PTPRC: variants seen among roughly 807,000 people sequenced by gnomAD.
The protein encoded by PTPRC is protein tyrosine phosphatase receptor type C, also known as receptor-type tyrosine-protein phosphatase C.
A neutral mutation model predicts 155.9 loss-of-function variants in PTPRC; 44 were observed. The ratio of observed to expected loss-of-function variants is 0.28; its 90% confidence interval spans 0.22 to 0.36. The LOEUF is 0.36. PTPRC is among the 10% of genes least tolerant of loss of function. The pLI is 1.00. For synonymous variants in PTPRC, 525 were observed against 533.1 expected, an observed-to-expected ratio of 0.98 and a Z score of 0.21; for missense variants, 1,401 against 1,564.6, an observed-to-expected ratio of 0.90 and a Z score of 1.76.
chr1:198,741,841 C>G (rs1405657539), intron 23 of PTPRC, 28 bp from the exon 24 acceptor site: 1 of 1,604,412 alleles, frequency 6.2e-7, no homozygotes, highest in Non-Finnish European at 8.5e-7. Flanking sequence ...AAAAAATCAT[C>G]TCAAAGAAAA....
intron 17 of PTPRC, among the ~76,000 whole-genome samples, chr1:198,730,739 A>G (rs1264244853): frequency 2.6e-5 from 4 of 152,168 alleles, no homozygotes; most frequent in African/African-American, 9.7e-5. Context: ...TCAGTTCAGA[A>G]TGAATGAATA....
intron 15 of PTPRC, among the ~76,000 whole-genome samples, chr1:198,727,041 A>C (rs1654170893): frequency 6.6e-6 from 1 of 151,812 alleles, no homozygotes; most frequent in Admixed American, 6.6e-5. Flanking sequence ...TTGTATATTT[A>C]GTAGAGATGA....
Position 198,708,502 on chromosome 1 carries a change from A to G in PTPRC, c.1033+241A>G, listed in dbSNP as rs1653117915. 5.3e-5 allele frequency among the ~76,000 whole-genome samples: 8 copies of G among 152,352 alleles called. No homozygotes were observed. The South Asian group carries it at 1.7e-3, about 32-fold the overall frequency. ...AATGAATACTTTTCATGAAAAATAA[A>G]TATCTAAAAATTGAAAGTCAATTAA... On this transcript the variant is annotated intron_variant, in intron 10 of 32. Transcript: ENST00000442510.
intron 2 of PTPRC, among the ~76,000 whole-genome samples, chr1:198,660,448 T>C (rs139195823): frequency 6.6e-6 from 1 of 150,988 alleles, no homozygotes; most frequent in Non-Finnish European, 1.5e-5. Context: ...AAAGAGGAAA[T>C]ATGTAATTTA....
At position 198,691,367 on chromosome 1, in the gene PTPRC, A is replaced by G. The variant is rs138915236; in HGVS notation, c.74-980A>G. ...AACTCACTAGCATGTTAAACTATCA[A>G]TCTAGATATTTTCCTTATTACTCTT... On this transcript the variant is annotated intron_variant, in intron 2 of 32. Transcript: ENST00000442510. Among the ~76,000 whole-genome samples, 5 of 152,136 alleles carry G rather than the reference A, an allele frequency of 3.3e-5. No homozygotes were observed. In the East Asian group the frequency reaches 5.8e-4, roughly 18 times the overall value.
rs1470098897 is a variant in PTPRC at position 198,665,116 on chromosome 1, G to A, written c.73+25775G>A. The stretch of plus-strand genomic sequence containing the variant: ...TTTTTTTTTTTTTTTTTGAGACGGA[G>A]TCTCGCTCTGTCGCCCAGGCTGGAG... On this transcript the variant is annotated intron_variant, in intron 2 of 32. Coordinates refer to ENST00000442510, the MANE Select transcript of PTPRC (RefSeq NM_002838.5). 5.9e-5 allele frequency among the ~76,000 whole-genome samples: 7 copies of A among 118,548 alleles called. No individual in the cohort carries two copies. In the Admixed American group the frequency reaches 7.7e-4, roughly 13 times the overall value. 77.8% of individuals were successfully genotyped at this position (118,548 alleles called of 152,430 possible). A position where few individuals can be genotyped will look rare whatever the true frequency, so the allele number is the denominator to read the frequency against.
Position 198,756,480 on chromosome 1 carries a change from GAA to G in PTPRC, c.*301_*302del, listed in dbSNP as rs1203662622. 5.1e-5 allele frequency: 13 copies of G among 255,918 alleles called. No homozygotes were observed. Among genetic ancestry groups the G allele is most frequent in the Admixed American group, 1.0e-4 (2 of 20,018 alleles). The allele number at this position is 255,918 out of a possible 1,614,324, so 15.9% of individuals were successfully genotyped here. A position where few individuals can be genotyped will look rare whatever the true frequency, so the allele number is the denominator to read the frequency against. On this transcript the variant is annotated 3_prime_UTR_variant, in exon 33 of 33. Transcript: ENST00000442510. The stretch of plus-strand genomic sequence containing the variant: ...GGTGTGTGTTTGTGTGAGAGACAGA[GAA>G]AGAGAGAGAATTCTTTCAAGTGAAT...
At chr1:198,716,641 C>T in intron 12 of PTPRC, 41 bp from the exon 13 acceptor site, 1 of 1,585,056 alleles carries the variant, frequency 6.3e-7, no homozygotes. Flanking sequence ...GTAGTACTGA[C>T]TTTTAACGAC....
intron 2 of PTPRC, among the ~76,000 whole-genome samples, chr1:198,660,030 C>CATATATATATATATATAT (rs34796231): frequency 8.6e-6 from 1 of 115,924 alleles, no homozygotes; most frequent in Non-Finnish European, 1.8e-5. Flanking sequence ...TATATATGTC[C>CATATATATATATATATAT]ATATATATAT....
intron 17 of PTPRC, 52 bp from the exon 18 acceptor site, chr1:198,731,565 G>A: frequency 7.5e-7 from 1 of 1,330,002 alleles, no homozygotes; most frequent in Non-Finnish European, 1.1e-6. Flanking sequence ...AAATGTGTAT[G>A]CCCACCTGAA....
chr1:198,694,219 T>C (rs1347340790), intron 3 of PTPRC: 4 of 1,388,800 alleles, frequency 2.9e-6, no homozygotes, highest in Non-Finnish European at 2.8e-6. Context: ...GAGAGAAAGA[T>C]GAAGACCAGA....
intron 2 of PTPRC, among the ~76,000 whole-genome samples, chr1:198,648,692 T>C (rs557840198): frequency 6.6e-6 from 1 of 151,958 alleles, no homozygotes; most frequent in Admixed American, 6.6e-5. Context: ...CATAAGATTG[T>C]ATGACTTTTA....
intron 2 of PTPRC, among the ~76,000 whole-genome samples, chr1:198,664,514 G>C (rs1664163337): frequency 6.6e-6 from 1 of 152,042 alleles, no homozygotes; most frequent in South Asian, 2.1e-4. Context: ...AAACAGAACT[G>C]TTTTTTTAAA....
At chr1:198,650,553 G>A (rs1381310556) in intron 2 of PTPRC, among the ~76,000 whole-genome samples, 1 of 151,724 alleles carries the variant, frequency 6.6e-6, no homozygotes, top group African/African-American at 2.4e-5. Context: ...CAAATTAGGG[G>A]GTCAGAAATC....
At chr1:198,702,591 CT>C (rs1277562359) in intron 6 of PTPRC, 61 bp downstream of exon 6, 1 of 1,587,228 alleles carries the variant, frequency 6.3e-7, no homozygotes, top group African/African-American at 1.3e-5. Context: ...AAACTCAAAA[CT>C]TTAATGTAGC....
intron 2 of PTPRC, among the ~76,000 whole-genome samples, chr1:198,643,446 G>T (rs1009436625): frequency 6.6e-6 from 1 of 151,902 alleles, no homozygotes; most frequent in African/African-American, 2.4e-5. Flanking sequence ...AACCAGAGGC[G>T]AAGTGGGAGG....
rs1655695000 is a variant in PTPRC at position 198,756,757 on chromosome 1, A to T, written c.*576A>T. 1 of 151,932 alleles carries T rather than the reference A, an allele frequency of 6.6e-6. No individual in the cohort carries two copies. Among genetic ancestry groups the T allele is most frequent in the Non-Finnish European group, 1.5e-5 (1 of 67,880 alleles). 9.4% of individuals were successfully genotyped at this position (151,932 alleles called of 1,614,324 possible). A position where few individuals can be genotyped will look rare whatever the true frequency, so the allele number is the denominator to read the frequency against. On this transcript the variant is annotated 3_prime_UTR_variant, in exon 33 of 33. Coordinates refer to ENST00000442510, the MANE Select transcript of PTPRC (RefSeq NM_002838.5). ...GTGGTATGTGTGTGTATGCTACTAC[A>T]AAAAAGTTGTTAACTAAATTAACAT...
At chr1:198,652,017 T>C (rs192739618) in intron 2 of PTPRC, among the ~76,000 whole-genome samples, 10 of 151,954 alleles carry the variant, frequency 6.6e-5, no homozygotes, top group Admixed American at 3.3e-4. Context: ...AACAGAATTA[T>C]GGTTAAAACA....
At chr1:198,737,120 T>C (rs1161671793) in intron 23 of PTPRC, among the ~76,000 whole-genome samples, 2 of 151,772 alleles carry the variant, frequency 1.3e-5, no homozygotes. Flanking sequence ...TTGGCAAATA[T>C]TTTCCCTCAT....
Sources: allele counts gnomAD v4.1 joint callset (sites outside exome capture counted in the v4.1 genomes callset), GRCh38; gene constraint gnomAD v4.1.1; transcripts MANE v1.5; gene names NCBI Gene and HGNC (gene_info 2026-07-23, HGNC 2026-07-21).